ZNF423: variants seen among roughly 807,000 people sequenced by gnomAD.
The protein encoded by ZNF423 is zinc finger protein 423.
A neutral mutation model predicts 95.8 loss-of-function variants in ZNF423; 12 were observed. That is an observed-to-expected ratio of 0.13 (90% CI 0.08 to 0.20). The LOEUF (loss-of-function observed/expected upper bound fraction) is 0.20. Ranked by LOEUF, ZNF423 falls within the 10% of genes least tolerant of loss-of-function variation. ZNF423 has a pLI of 1.00. For synonymous variants in ZNF423, 749 were observed against 711.9 expected, an observed-to-expected ratio of 1.05 and a Z score of -0.83; for missense variants, 1,316 against 1,737.1, an observed-to-expected ratio of 0.76 and a Z score of 4.31.
intron 7 of ZNF423, among the ~76,000 whole-genome samples, chr16:49,513,138 G>C (rs146383159): frequency 6.6e-6 from 1 of 152,102 alleles, no homozygotes; most frequent in Non-Finnish European, 1.5e-5. Flanking sequence ...GGGAGACTTC[G>C]GGGGGTCAGC....
At chr16:49,549,860 T>C (rs1365186349) in intron 5 of ZNF423, among the ~76,000 whole-genome samples, 1 of 152,084 alleles carries the variant, frequency 6.6e-6, no homozygotes, top group Non-Finnish European at 1.5e-5. Context: ...ACTTTTCAAA[T>C]ATGTTTTGTT....
At chr16:49,843,250 C>G (rs1005770655) in intron 1 of ZNF423, among the ~76,000 whole-genome samples, 1 of 152,190 alleles carries the variant, frequency 6.6e-6, no homozygotes, top group South Asian at 2.1e-4. Flanking sequence ...CAGCAAAAAA[C>G]TGGAAGCAAC....
chr16:49,649,905 T>C (rs1973333992), intron 3 of ZNF423, among the ~76,000 whole-genome samples: 1 of 152,286 alleles, frequency 6.6e-6, no homozygotes, highest in Non-Finnish European at 1.5e-5. Context: ...GTTAGAATTA[T>C]GCTATTAGCA....
chr16:49,721,655 C>T (rs1169122502), intron 3 of ZNF423, among the ~76,000 whole-genome samples: 2 of 152,146 alleles, frequency 1.3e-5, no homozygotes, highest in African/African-American at 2.4e-5. Context: ...CCAGGCGCCA[C>T]ACTGGATCCC....
intron 1 of ZNF423, among the ~76,000 whole-genome samples, chr16:49,843,160 C>G (rs946658885): frequency 3.9e-5 from 6 of 152,112 alleles, no homozygotes; most frequent in African/African-American, 1.4e-4. Context: ...AATTTCACTT[C>G]TAGGAATCCA....
At chr16:49,720,025 G>T (rs2143249790) in intron 3 of ZNF423, among the ~76,000 whole-genome samples, 1 of 152,190 alleles carries the variant, frequency 6.6e-6, no homozygotes, top group Middle Eastern at 3.4e-3. Context: ...ACATAATATT[G>T]TAGGGGCCAA....
At position 49,636,527 on chromosome 16, in the gene ZNF423, G is replaced by A. The variant is rs781131703; in HGVS notation, c.2649C>T (p.Ser883=). Residue 883 remains serine (S), a synonymous_variant, in exon 4 of 8, where the codon AGC becomes AGT. Coordinates refer to ENST00000563137, the MANE Select transcript of ZNF423 (RefSeq NM_001379286.1). This position sits in a 1 kb window ranked among gnomAD's most constrained non-coding sequence, Gnocchi z 8.6. ...GCTCCGACGCGTCCACGTCATCCTC[G>A]CTGGCCTCATGGCTGTTAGGTGCCT... ...NPEAPNSHEA[S]EDDVDASEPM... is the part of the protein sequence containing the mutation. 24 of 1,613,706 alleles carry A rather than the reference G, an allele frequency of 1.5e-5. No homozygotes were observed. Among genetic ancestry groups the A allele is most frequent in the Middle Eastern group, 1.6e-4 (1 of 6,084 alleles).
chr16:49,789,611 C>G (rs893215092), intron 1 of ZNF423, 65 bp from the exon 2 acceptor site: 1 of 1,526,174 alleles, frequency 6.6e-7, no homozygotes, highest in Non-Finnish European at 8.9e-7. Context: ...AGGTAAGGCA[C>G]AGGGCGAGGA....
chr16:49,856,917 A>AGGC (rs71138012), upstream of ZNF423, among the ~76,000 whole-genome samples: 101,513 of 144,884 alleles, frequency 0.7, 35,975 homozygotes, highest in East Asian at 0.93. Flanking sequence ...GAGGACGAGC[A>AGGC]GGCGGCGGCG....
chr16:49,747,505 G>A (rs1016329987), intron 2 of ZNF423, among the ~76,000 whole-genome samples: 2 of 152,160 alleles, frequency 1.3e-5, no homozygotes, highest in African/African-American at 4.8e-5. Context: ...ATCTCCAGAA[G>A]CAAGGCATAC....
intron 1 of ZNF423, among the ~76,000 whole-genome samples, chr16:49,815,314 A>G (rs548232674): frequency 1.2e-4 from 19 of 152,264 alleles, no homozygotes; most frequent in African/African-American, 4.6e-4. Context: ...CAGCAGCTGC[A>G]CAAAGATCTC....
chr16:49,839,364 G>C (rs974077401), intron 1 of ZNF423, among the ~76,000 whole-genome samples: 3 of 152,084 alleles, frequency 2.0e-5, no homozygotes, highest in Non-Finnish European at 2.9e-5. Context: ...CTGAGGTAAC[G>C]GGCTGTGGGA....
chr16:49,748,475 G>T (rs2033567782), intron 2 of ZNF423, among the ~76,000 whole-genome samples: 1 of 152,172 alleles, frequency 6.6e-6, no homozygotes, highest in Non-Finnish European at 1.5e-5. Flanking sequence ...ATTCAAGGAG[G>T]AGCCAGGTAC....
intron 5 of ZNF423, among the ~76,000 whole-genome samples, chr16:49,578,505 C>T (rs986879496): frequency 2.6e-5 from 4 of 152,174 alleles, no homozygotes; most frequent in South Asian, 2.1e-4. Context: ...TTGTGGGCCG[C>T]GGGAGCCTCC....
intron 3 of ZNF423, among the ~76,000 whole-genome samples, chr16:49,702,018 G>T (rs137915109): frequency 9.8e-5 from 15 of 152,298 alleles, no homozygotes; most frequent in African/African-American, 3.4e-4. Flanking sequence ...CATTATGAAA[G>T]GAAACCCCCA....
chr16:49,625,700 A>T (rs1432120888), intron 5 of ZNF423, among the ~76,000 whole-genome samples: 1 of 152,206 alleles, frequency 6.6e-6, no homozygotes, highest in East Asian at 1.9e-4. Context: ...CCTTCTAGAG[A>T]GGCTGAATTT....
At chr16:49,687,382 G>A (rs919071673) in intron 3 of ZNF423, among the ~76,000 whole-genome samples, 3 of 152,176 alleles carry the variant, frequency 2.0e-5, no homozygotes, top group East Asian at 1.9e-4. Flanking sequence ...ACCTACCCCT[G>A]GGCTAGCACT....
intron 1 of ZNF423, among the ~76,000 whole-genome samples, chr16:49,844,243 A>G (rs1232890132): frequency 2.0e-5 from 3 of 152,176 alleles, no homozygotes; most frequent in Non-Finnish European, 2.9e-5. Flanking sequence ...GATAACATCA[A>G]TGTACTCCAG....
intron 3 of ZNF423, among the ~76,000 whole-genome samples, chr16:49,670,399 C>T (rs2030753493): frequency 6.6e-6 from 1 of 152,260 alleles, no homozygotes; most frequent in Non-Finnish European, 1.5e-5. Context: ...CCCAGCTCAG[C>T]AGGCTGGTCC....
Sources: allele counts gnomAD v4.1 joint callset (sites outside exome capture counted in the v4.1 genomes callset), GRCh38; gene constraint gnomAD v4.1.1; non-coding constraint Gnocchi (gnomAD v3.1); transcripts MANE v1.5; gene names NCBI Gene and HGNC (gene_info 2026-07-23, HGNC 2026-07-21).